POFUT1: variants seen among roughly 807,000 people sequenced by gnomAD.
POFUT1 encodes protein O-fucosyltransferase 1.
POFUT1 carries 16 observed loss-of-function variants against 42.4 expected under a neutral mutation model. The ratio of observed to expected loss-of-function variants is 0.38; its 90% CI spans 0.26 to 0.57. The LOEUF (loss-of-function observed/expected upper bound fraction) is 0.57. Among genes scored for constraint, POFUT1 ranks in the 20% least tolerant of loss-of-function variants. The pLI, the probability that POFUT1 is intolerant of heterozygous loss-of-function variation, is 0.71. For synonymous variants in POFUT1, 206 were observed against 205.4 expected (o/e 1.00, Z -0.03); for missense variants, 470 against 504.6 (o/e 0.93, Z 0.66).
rs777767918 is a variant in POFUT1, at chr20:32,230,917, C to T, written c.834C>T (p.Leu278=). 1 of 1,614,226 alleles carries T rather than the reference C, an allele frequency of 6.2e-7. No individual in the cohort carries two copies. Among genetic ancestry groups the T allele is most frequent in the Non-Finnish European group, 8.5e-7 (1 of 1,180,042 alleles). ...VGYSRSTAAP[L]TMTMCLPDLK... ...ACAGCCGCAGCACAGCGGCCCCCCT[C>T]ACGATGACTATGTGCCTGCCTGACC... The change falls in exon 6 of 7, where the codon CTC becomes CTT. Residue 278 remains leucine (L), a synonymous_variant. Transcript: ENST00000375749.
Position 32,210,166 on chromosome 20 carries a change from C to A in POFUT1, c.220C>A (p.Gln74Lys). The A allele has an allele frequency of 1.2e-6, 2 of 1,614,130 alleles. No individual in the cohort carries two copies. The highest frequency in any genetic ancestry group is 2.2e-5 in the East Asian group (1 of 44,892). Residue 74 changes from glutamine to lysine, a missense_variant, in exon 2 of 7, where the codon CAG (glutamine) becomes AAG (lysine). Gln to Lys is a moderately conservative substitution (Grantham distance 53). Coordinates refer to ENST00000375749, the MANE Select transcript of POFUT1 (RefSeq NM_015352.2). ...TLAVPPWIEY[Q>K]HHKPPFTNLH... is the part of the protein sequence containing the mutation. ...GGCTGTCCCTCCTTGGATTGAGTACCAGCATCACAAGCCTCCTTTCACCAA... is the reference window on the plus strand; with the variant it reads ...GGCTGTCCCTCCTTGGATTGAGTACAAGCATCACAAGCCTCCTTTCACCAA...
chr20:32,225,701 G>A (rs2047411486), intron 4 of POFUT1, among the ~76,000 whole-genome samples: 1 of 151,930 alleles, frequency 6.6e-6, no homozygotes, highest in African/African-American at 2.4e-5. Flanking sequence ...GTTGCCCCAG[G>A]CTGGTCTTGA....
At chr20:32,226,014 T>C (rs2047413064) in intron 4 of POFUT1, among the ~76,000 whole-genome samples, 1 of 152,174 alleles carries the variant, frequency 6.6e-6, no homozygotes. Context: ...TCCTTTTTGA[T>C]GTCTATAGTA....
chr20:32,215,223 C>T (rs1569152129), intron 2 of POFUT1, 46 bp from the exon 3 acceptor site: 1 of 1,490,718 alleles, frequency 6.7e-7, no homozygotes. Context: ...TCTAAAGTAG[C>T]CACGGGGGCA....
In POFUT1 at chr20:32,235,112, ATG is replaced by A. The variant is rs1412831978; in HGVS notation, c.*454_*455del. ...AGGTACCTAAAGTGACCTTAACTGA[ATG>A]TGGATGAGGCTGGGGCTGGTGTGGG... On this transcript the variant is annotated 3_prime_UTR_variant, in exon 7 of 7. Transcript: ENST00000375749. 1 of 153,414 alleles carries A rather than the reference ATG, an allele frequency of 6.5e-6. No homozygotes were observed. The highest frequency in any genetic ancestry group is 2.4e-5 in the African/African-American group (1 of 41,470). 9.5% of individuals were successfully genotyped at this position (153,414 alleles called of 1,614,324 possible).
At chr20:32,233,889 A>G (rs916178658) in intron 6 of POFUT1, among the ~76,000 whole-genome samples, 1 of 152,222 alleles carries the variant, frequency 6.6e-6, no homozygotes, top group Non-Finnish European at 1.5e-5. Flanking sequence ...CTTAGCCTTA[A>G]GAGTCTGGTC....
intron 5 of POFUT1, among the ~76,000 whole-genome samples, chr20:32,229,738 C>T (rs755092704): frequency 5.9e-5 from 9 of 152,074 alleles, no homozygotes; most frequent in African/African-American, 7.2e-5. Context: ...CTGTGCCCAC[C>T]GCCCAGAAAG....
rs372780908 is a variant in POFUT1, at chr20:32,228,474, T to C, written c.735+19T>C. The C allele has an allele frequency of 5.0e-6, 8 of 1,607,548 alleles. No homozygotes were observed. In the East Asian group the frequency reaches 1.6e-4, roughly 31 times the overall value. On this transcript the variant is annotated intron_variant, in intron 5 of 6. Coordinates refer to ENST00000375749, the MANE Select transcript of POFUT1 (RefSeq NM_015352.2). ...TGACTGGGTAACTTCCCCCTTCCTCTCTCACTGGCTAACTTGGATGTGTCC... is the reference window on the plus strand; with the variant it reads ...TGACTGGGTAACTTCCCCCTTCCTCCCTCACTGGCTAACTTGGATGTGTCC...
chr20:32,229,199 A>G (rs927143671), intron 5 of POFUT1, among the ~76,000 whole-genome samples: 3 of 152,224 alleles, frequency 2.0e-5, no homozygotes, highest in African/African-American at 7.2e-5. Context: ...ATCAAGAGAT[A>G]TAAGATTCTA....
At chr20:32,215,696 A>G (rs2047356391) in intron 3 of POFUT1, among the ~76,000 whole-genome samples, 2 of 152,200 alleles carry the variant, frequency 1.3e-5, no homozygotes, top group Non-Finnish European at 2.9e-5. Context: ...TCTCACTCCT[A>G]AAGTGTCATG....
At position 32,234,607 on chromosome 20, in the gene POFUT1, G is replaced by T; in HGVS notation, c.1113G>T (p.Arg371Ser). Reference protein sequence around the residue: ...FVKRERDLQGRPSSFFGMDRP... With the variant: ...FVKRERDLQGSPSSFFGMDRP... ...AGCGGGAGCGGGACCTCCAGGGGAG[G>T]CCGTCTTCTTTCTTCGGCATGGACA... Residue 371 changes from arginine (R) to serine (S), a missense_variant, in exon 7 of 7, where the codon AGG becomes AGT. Transcript: ENST00000375749. 1 of 1,614,002 alleles carries T rather than the reference G, an allele frequency of 6.2e-7. No individual in the cohort carries two copies.
At chr20:32,232,400 C>A (rs931890088) in intron 6 of POFUT1, among the ~76,000 whole-genome samples, 1 of 152,086 alleles carries the variant, frequency 6.6e-6, no homozygotes, top group Non-Finnish European at 1.5e-5. Context: ...TCTAACCCAA[C>A]CCCTCTATTT....
In POFUT1 at chr20:32,219,626, A is replaced by T. The variant is rs528522580; in HGVS notation, c.542+2905A>T. 2.0e-5 allele frequency among the ~76,000 whole-genome samples: 3 copies of T among 150,310 alleles called. No individual in the cohort carries two copies. The South Asian group carries it at 6.3e-4, about 31-fold the overall frequency. On this transcript the variant is annotated intron_variant, in intron 4 of 6. Coordinates refer to ENST00000375749, the MANE Select transcript of POFUT1 (RefSeq NM_015352.2). ...ATTCTCCTGCCTCAGCCTCCCAAGT[A>T]GCTGGGACTACAGGCGCCCGCCACC...
intron 5 of POFUT1, among the ~76,000 whole-genome samples, chr20:32,229,717 G>A (rs948996438): frequency 6.6e-6 from 1 of 152,104 alleles, no homozygotes; most frequent in African/African-American, 2.4e-5. Context: ...CAAAATGCCA[G>A]GCTTTCTGTG....
chr20:32,214,531 C>T (rs1482489434), intron 2 of POFUT1, among the ~76,000 whole-genome samples: 1 of 152,132 alleles, frequency 6.6e-6, no homozygotes, highest in African/African-American at 2.4e-5. Flanking sequence ...TGCGCATTTC[C>T]CCACAAGTTA....
In POFUT1 at chr20:32,224,975, A is replaced by G. The variant is rs144553301; in HGVS notation, c.543-3288A>G. Among the ~76,000 whole-genome samples, 564 of 152,322 alleles carry G rather than the reference A, an allele frequency of 3.7e-3. 3 individuals are homozygous for G. Among genetic ancestry groups the G allele is most frequent in the Middle Eastern group, 0.01 (3 of 294 alleles). On this transcript the variant is annotated intron_variant, in intron 4 of 6. Transcript: ENST00000375749. ...GTAACCTTTAACTAGGTTACATGCA[A>G]TGTGATGATGATAAGAGCTAGAATT...
At position 32,237,760 on chromosome 20, in the gene POFUT1, A is replaced by G; in HGVS notation, c.*3099A>G. 1 of 534,386 alleles carries G rather than the reference A, an allele frequency of 1.9e-6. No individual in the cohort carries two copies. Among genetic ancestry groups the G allele is most frequent in the South Asian group, 1.4e-5 (1 of 71,538 alleles). The allele number at this position is 534,386 out of a possible 1,614,324, so 33.1% of individuals were successfully genotyped here. Reference sequence around the variant, plus strand: ...GGAGAGAGAAAGGGTGAAAGCAGAGAGACCAGTGCAGGGCTGTTAACAGGG... The same window carrying G: ...GGAGAGAGAAAGGGTGAAAGCAGAGGGACCAGTGCAGGGCTGTTAACAGGG... On this transcript the variant is annotated 3_prime_UTR_variant, in exon 7 of 7. Coordinates refer to ENST00000375749, the MANE Select transcript of POFUT1 (RefSeq NM_015352.2).
chr20:32,215,170 T>G, intron 2 of POFUT1, 99 bp from the exon 3 acceptor site: 477 of 876,458 alleles, frequency 5.4e-4, no homozygotes, highest in Non-Finnish European at 7.7e-4. Context: ...ATTACAGGCG[T>G]GAGCCACTGC....
chr20:32,217,069 G>A (rs2047365774), intron 4 of POFUT1: 3 of 1,613,716 alleles, frequency 1.9e-6, no homozygotes, highest in Middle Eastern at 3.3e-4. Context: ...GCAGCTTCTA[G>A]AGAACAGCTT....
Sources: allele counts gnomAD v4.1 joint callset (sites outside exome capture counted in the v4.1 genomes callset), GRCh38; gene constraint gnomAD v4.1.1; transcripts MANE v1.5; gene names NCBI Gene and HGNC (gene_info 2026-07-23, HGNC 2026-07-21).